The following KRT8 variants were observed in gnomAD, a reference collection of about 807,000 sequenced individuals.
KRT8 encodes keratin 8.
In KRT8, 24 loss-of-function variants were observed where a neutral mutation model predicts 43.0. The ratio of observed to expected loss-of-function variants is 0.56; its 90% CI spans 0.40 to 0.78. The LOEUF (loss-of-function observed/expected upper bound fraction) is 0.78. Ranked by LOEUF, KRT8 falls within the 30% of genes least tolerant of loss-of-function variation. The pLI, the probability that KRT8 is intolerant of heterozygous loss-of-function variation, is 0.00. For synonymous variants in KRT8, 214 were observed against 261.2 expected, an observed-to-expected ratio of 0.82 and a Z score of 1.74; for missense variants, 492 against 638.4, an observed-to-expected ratio of 0.77 and a Z score of 2.47.
chr12:52,910,205 C>T (rs1029028990), upstream of KRT8, among the ~76,000 whole-genome samples: 4 of 152,186 alleles, frequency 2.6e-5, no homozygotes, highest in African/African-American at 9.7e-5. Context: ...TTCCCCTTAA[C>T]TCTGGTTCTC....
chr12:52,902,177 G>A (rs1941389154), intron 1 of KRT8, 105 bp from the exon 2 acceptor site: 2 of 738,700 alleles, frequency 2.7e-6, no homozygotes, highest in Admixed American at 4.0e-5. Flanking sequence ...AAGCAGTAAG[G>A]TCTCCAGACC....
At chr12:52,930,024 C>G (rs1261819013) in intron 2 of KRT8, among the ~76,000 whole-genome samples, 4 of 152,264 alleles carry the variant, frequency 2.6e-5, no homozygotes, top group Middle Eastern at 6.8e-3. Flanking sequence ...AAGCAAGAAG[C>G]CTGGAGTCAG....
At chr12:52,928,464 T>C (rs556906080) in intron 2 of KRT8, among the ~76,000 whole-genome samples, 1 of 152,158 alleles carries the variant, frequency 6.6e-6, no homozygotes, top group East Asian at 1.9e-4. Context: ...ACCAGTGCTC[T>C]GATCCACACA....
chr12:52,938,956 G>A (rs1942224085), intron 2 of KRT8, among the ~76,000 whole-genome samples: 1 of 152,086 alleles, frequency 6.6e-6, no homozygotes, highest in Non-Finnish European at 1.5e-5. Flanking sequence ...TTAGTGGTAT[G>A]GGCCTGTAGT....
intron 2 of KRT8, among the ~76,000 whole-genome samples, chr12:52,914,523 G>A (rs1312031786): frequency 6.6e-6 from 1 of 152,124 alleles, no homozygotes; most frequent in Non-Finnish European, 1.5e-5. Context: ...GGCAACAACA[G>A]TGAAACTCCG....
intron 1 of KRT8, 135 bp downstream of exon 1, chr12:52,904,523 A>C: frequency 1.2e-6 from 1 of 825,168 alleles, no homozygotes. Context: ...GAGTCGGAGG[A>C]TGGAAGGGAG....
chr12:52,930,889 C>T (rs186658320), intron 2 of KRT8, among the ~76,000 whole-genome samples: 139 of 152,198 alleles, frequency 9.1e-4, no homozygotes, highest in African/African-American at 3.1e-3. Context: ...TACTTTCTTC[C>T]GTATATTTCC....
chr12:52,901,504 T>C, intron 2 of KRT8: 1 of 552,214 alleles, frequency 1.8e-6, no homozygotes, highest in Non-Finnish European at 3.2e-6. Flanking sequence ...GACAGAACTT[T>C]CTAGAGTTTG....
intron 2 of KRT8, among the ~76,000 whole-genome samples, chr12:52,944,818 G>C (rs1304866581): frequency 6.6e-6 from 1 of 152,178 alleles, no homozygotes; most frequent in Non-Finnish European, 1.5e-5. Flanking sequence ...CAAGCCCTGA[G>C]AACCCGTTCC....
At chr12:52,897,498 A>T (rs1363538636) in exon 8 of KRT8, 2 of 1,599,056 alleles carry the variant, frequency 1.3e-6, no homozygotes, top group Middle Eastern at 3.7e-4. Context: ...CTTCACAACC[A>T]CGGCCCTGGA....
chr12:52,924,169 C>T (rs1398606878), intron 2 of KRT8, among the ~76,000 whole-genome samples: 1 of 152,102 alleles, frequency 6.6e-6, no homozygotes, highest in Non-Finnish European at 1.5e-5. Flanking sequence ...ATACATTAGG[C>T]CAGGCGCAGT....
At chr12:52,949,307 G>A in intron 2 of KRT8, 1 of 1,610,474 alleles carries the variant, frequency 6.2e-7, no homozygotes, top group Non-Finnish European at 8.5e-7. Context: ...TCTGGTTCCC[G>A]GATCTCCGTG....
chr12:52,933,716 C>G (rs1335930091), intron 2 of KRT8, among the ~76,000 whole-genome samples: 1 of 151,950 alleles, frequency 6.6e-6, no homozygotes, highest in Admixed American at 6.6e-5. Flanking sequence ...ACTCCGCCTC[C>G]CGGGTTCAAG....
intron 2 of KRT8, among the ~76,000 whole-genome samples, chr12:52,943,669 A>G (rs1477126869): frequency 6.6e-6 from 1 of 152,172 alleles, no homozygotes; most frequent in African/African-American, 2.4e-5. Flanking sequence ...GCCAGGAAAC[A>G]AGGAAGAGGC....
intron 2 of KRT8, among the ~76,000 whole-genome samples, chr12:52,924,374 G>A (rs886655747): frequency 1.1e-4 from 17 of 151,766 alleles, no homozygotes; most frequent in African/African-American, 4.1e-4. Flanking sequence ...GCATGAACCC[G>A]GGAGGCGGAG....
chr12:52,898,542 T>A (rs1232538293), intron 6 of KRT8, 23 bp from the exon 7 acceptor site: 1 of 1,613,924 alleles, frequency 6.2e-7, no homozygotes, highest in Non-Finnish European at 8.5e-7. Context: ...AAATGGGGTG[T>A]CAGGACCAAC....
intron 2 of KRT8, among the ~76,000 whole-genome samples, chr12:52,945,662 T>A (rs1942332005): frequency 6.6e-6 from 1 of 152,120 alleles, no homozygotes; most frequent in Admixed American, 6.5e-5. Flanking sequence ...ACTCTGAAGT[T>A]AAACCTGCCT....
exon 1 of KRT8, chr12:52,949,858 A>G: frequency 1.4e-6 from 1 of 696,472 alleles, no homozygotes; most frequent in South Asian, 1.5e-5. Flanking sequence ...GAGGTAAGGA[A>G]AGGCCTGTAA....
intron 2 of KRT8, among the ~76,000 whole-genome samples, chr12:52,941,194 G>A (rs915658791): frequency 1.3e-5 from 2 of 151,474 alleles, no homozygotes; most frequent in South Asian, 2.1e-4. Context: ...AGCCTCCCGA[G>A]TAGCTGGGAT....
Sources: gnomAD v4.1 joint callset for allele counts (sites outside exome capture counted in the v4.1 genomes callset) on GRCh38, gnomAD v4.1.1 for gene constraint, MANE v1.5 for transcripts, NCBI Gene and HGNC (gene_info 2026-07-23, HGNC 2026-07-21) for gene names.